Variants in SCMH1 observed in about 807,000 individuals in gnomAD.
The protein encoded by SCMH1 is polycomb protein SCMH1.
Under a neutral mutation model 70.8 loss-of-function variants are expected in SCMH1, and 37 were observed. The observed-to-expected ratio is 0.52, with a 90% CI of 0.40 to 0.69. The LOEUF (loss-of-function observed/expected upper bound fraction) is 0.69, where lower values mean the gene tolerates loss of function less well. Ranked by LOEUF, SCMH1 falls within the 30% of genes least tolerant of loss-of-function variation. The pLI is 0.00. For missense variants in SCMH1, 607 were observed against 827.3 expected (o/e 0.73, Z 3.27); for synonymous variants, 292 against 307.4 (o/e 0.95, Z 0.52).
chr1:41,186,807 T>A (rs1650334051), intron 1 of SCMH1, among the ~76,000 whole-genome samples: 2 of 152,200 alleles, frequency 1.3e-5, no homozygotes, highest in Admixed American at 1.3e-4. Flanking sequence ...GAAGGTGTCA[T>A]CTATAAGCTA....
chr1:41,191,856 T>C (rs949392695), intron 1 of SCMH1, among the ~76,000 whole-genome samples: 1 of 152,208 alleles, frequency 6.6e-6, no homozygotes, highest in Non-Finnish European at 1.5e-5. Context: ...TGGTGTGTGC[T>C]ATGACTTGAC....
intron 13 of SCMH1, among the ~76,000 whole-genome samples, 155 bp from the exon 14 acceptor site, chr1:41,034,203 G>A (rs1278166075): frequency 1.4e-4 from 18 of 131,442 alleles, no homozygotes; most frequent in Admixed American, 1.2e-3. Flanking sequence ...CTCTACTTGA[G>A]AGCCCTTTAG....
chr1:41,186,274 G>T, intron 1 of SCMH1, 24 bp from the exon 2 acceptor site: 1 of 609,432 alleles, frequency 1.6e-6, no homozygotes, highest in Non-Finnish European at 3.1e-6. Context: ...AGGTGGGGAG[G>T]AAGGAGAAGA....
Position 41,161,348 on chromosome 1 carries a change from G to A in SCMH1, c.82+16C>T. 6.5e-7 allele frequency: 1 copy of A among 1,547,258 alleles called. No individual in the cohort carries two copies. The highest frequency in any genetic ancestry group is 8.7e-7 in the Non-Finnish European group (1 of 1,146,250). On this transcript the variant is annotated intron_variant, in intron 3 of 14. Coordinates refer to ENST00000337495, the Ensembl canonical transcript of SCMH1. ...GTAAAATTTTTCCACACCAAACGGA[G>A]TTTTTTCCCCCTTACCTTGATATTG...
chr1:41,119,692 G>C (rs1466456779), intron 6 of SCMH1, among the ~76,000 whole-genome samples: 1 of 152,170 alleles, frequency 6.6e-6, no homozygotes, highest in Admixed American at 6.5e-5. Flanking sequence ...GATGTTTGCA[G>C]TTTGGGCACT....
intron 8 of SCMH1, among the ~76,000 whole-genome samples, chr1:41,103,440 C>T (rs1424013144): frequency 6.6e-6 from 1 of 152,124 alleles, no homozygotes; most frequent in African/African-American, 2.4e-5. Flanking sequence ...CTGCGCCCGG[C>T]CCAAGGGAAG....
chr1:41,101,105 A>G (rs947197755), intron 8 of SCMH1, among the ~76,000 whole-genome samples: 1 of 152,174 alleles, frequency 6.6e-6, no homozygotes, highest in Non-Finnish European at 1.5e-5. Context: ...GGGGAAAAAA[A>G]GACCTAGGGA....
chr1:41,150,704 AG>A (rs1447011120), intron 5 of SCMH1, among the ~76,000 whole-genome samples: 1 of 151,984 alleles, frequency 6.6e-6, no homozygotes, highest in Admixed American at 6.5e-5. Flanking sequence ...TGGGAGGCCG[AG>A]GCGGGCAGAT....
At chr1:41,118,964 T>G (rs982370270) in intron 6 of SCMH1, among the ~76,000 whole-genome samples, 4 of 152,264 alleles carry the variant, frequency 2.6e-5, no homozygotes, top group African/African-American at 9.6e-5. Flanking sequence ...TTCTATTGAC[T>G]ATCTAATCCT....
intron 1 of SCMH1, among the ~76,000 whole-genome samples, chr1:41,190,682 ATGTATGTG>A (rs113431012): frequency 7.9e-5 from 12 of 152,308 alleles, no homozygotes; most frequent in Admixed American, 2.0e-4. Flanking sequence ...GTGTGCATGT[ATGTATGTG>A]TGTATACAAA....
chr1:41,079,294 A>C (rs930621646), intron 8 of SCMH1, among the ~76,000 whole-genome samples: 1 of 152,174 alleles, frequency 6.6e-6, no homozygotes, highest in African/African-American at 2.4e-5. Flanking sequence ...AATTTTATTA[A>C]AGAAGGGTGG....
chr1:41,159,582 T>C (rs533688673), intron 4 of SCMH1: 6 of 910,802 alleles, frequency 6.6e-6, no homozygotes, highest in Admixed American at 7.7e-5. Flanking sequence ...TAAGTGGGAA[T>C]AGGAATTTGA....
chr1:41,121,069 T>C (rs772674131), intron 6 of SCMH1, among the ~76,000 whole-genome samples: 53 of 152,212 alleles, frequency 3.5e-4, no homozygotes, highest in Middle Eastern at 3.2e-3. Context: ...ACCAGGTACA[T>C]AACTTTTGGA....
chr1:41,038,532 C>T (rs558594659), intron 12 of SCMH1, among the ~76,000 whole-genome samples: 9 of 152,284 alleles, frequency 5.9e-5, no homozygotes, highest in African/African-American at 1.9e-4. Flanking sequence ...TGGTTTGGCA[C>T]ACAGTAAGGC....
At chr1:41,087,738 G>A (rs1202850581) in intron 8 of SCMH1, among the ~76,000 whole-genome samples, 1 of 151,984 alleles carries the variant, frequency 6.6e-6, no homozygotes, top group Non-Finnish European at 1.5e-5. Flanking sequence ...CTGTGGAAGG[G>A]AATTTGGCAG....
intron 1 of SCMH1, among the ~76,000 whole-genome samples, chr1:41,206,946 C>T (rs1037722084): frequency 6.6e-6 from 1 of 152,146 alleles, no homozygotes; most frequent in Non-Finnish European, 1.5e-5. Context: ...AACTAAGCTT[C>T]ATAAGTGAAG....
At chr1:41,161,525 AG>A in intron 2 of SCMH1, 93 bp from the exon 3 acceptor site, 1 of 1,348,902 alleles carries the variant, frequency 7.4e-7, no homozygotes, top group Non-Finnish European at 9.8e-7. Flanking sequence ...TTTTTAATAA[AG>A]TAATCCACTT....
intron 6 of SCMH1, among the ~76,000 whole-genome samples, chr1:41,141,839 A>G (rs995611969): frequency 3.3e-5 from 5 of 149,836 alleles, no homozygotes; most frequent in Non-Finnish European, 7.4e-5. Context: ...ACAGAGACAG[A>G]CAATCCAGAA....
At chr1:41,094,418 G>A (rs1664512525) in intron 8 of SCMH1, among the ~76,000 whole-genome samples, 1 of 152,118 alleles carries the variant, frequency 6.6e-6, no homozygotes, top group Admixed American at 6.6e-5. Context: ...TATGAAAATG[G>A]TCTTGACCTT....
Sources: gnomAD v4.1 joint callset for allele counts (sites outside exome capture counted in the v4.1 genomes callset) on GRCh38, gnomAD v4.1.1 for gene constraint, MANE v1.5 for transcripts, NCBI Gene and HGNC (gene_info 2026-07-23, HGNC 2026-07-21) for gene names.